The following NHEJ1 variants were observed in gnomAD, a reference collection of about 807,000 sequenced individuals.
NHEJ1 encodes the protein non-homologous end-joining factor 1.
A neutral mutation model predicts 39.4 loss-of-function variants in NHEJ1; 22 were observed. The ratio of observed to expected loss-of-function variants is 0.56; its 90% confidence interval spans 0.40 to 0.80. NHEJ1 has a LOEUF of 0.80. NHEJ1 is among the 30% of genes least tolerant of loss of function. The pLI is 0.00. For missense variants in NHEJ1, 329 were observed against 357.1 expected (o/e 0.92, Z 0.63); for synonymous variants, 154 against 135.6 (o/e 1.14, Z -0.94).
rs58200429 is a variant in NHEJ1 at position 219,071,112 on chromosome 2, C to A, written c.*5269G>T. 0.016 allele frequency among the ~76,000 whole-genome samples: 2,451 copies of A among 152,288 alleles called. 70 individuals are homozygous for A. The highest frequency in any genetic ancestry group is 0.056 in the African/African-American group (2,312 of 41,550). On this transcript the variant is annotated 3_prime_UTR_variant, in exon 8 of 8. Coordinates refer to ENST00000356853, the MANE Select transcript of NHEJ1 (RefSeq NM_024782.3). ...ATGCATGATTCCCAACAGCACTGCT[C>A]TTGATCCCTGAGTGGAGACCCACAC...
rs1949005188 is a variant in NHEJ1, at chr2:219,075,552, GC to G, written c.*828del. ...ACTAGAGTCCAGGAGTTCAAGACCA[GC>G]CTGGGCAACATGGCAAAGCCTTGTC... is the stretch of plus-strand genomic sequence containing the variant. On this transcript the variant is annotated 3_prime_UTR_variant, in exon 8 of 8. Coordinates refer to ENST00000356853, the MANE Select transcript of NHEJ1 (RefSeq NM_024782.3). 1 of 152,164 alleles carries G rather than the reference GC, an allele frequency of 6.6e-6. No homozygotes were observed. The highest frequency in any genetic ancestry group is 2.4e-5 in the African/African-American group (1 of 41,412). 9.4% of individuals were successfully genotyped at this position (152,164 alleles called of 1,614,324 possible).
chr2:219,153,700 G>C lies in NHEJ1; in HGVS notation c.390+3772C>G, dbSNP rs576689779. On this transcript the variant is annotated intron_variant, in intron 3 of 7. Coordinates refer to ENST00000356853, the MANE Select transcript of NHEJ1 (RefSeq NM_024782.3). ...AAAGAAAAAGAAAGAAAAGGGGGGG[G>C]GGGTGGAGAGAGAGAGAGAGAGCAA... Among the ~76,000 whole-genome samples the C allele has an allele frequency of 2.0e-3, 247 of 126,528 alleles. 17 individuals are homozygous for C. The highest frequency in any genetic ancestry group is 3.6e-3 in the Non-Finnish European group (199 of 55,418). 83.0% of individuals were successfully genotyped at this position (126,528 alleles called of 152,430 possible). A position where few individuals can be genotyped will look rare whatever the true frequency, so the allele number is the denominator to read the frequency against.
chr2:219,073,784 C>T lies in NHEJ1; in HGVS notation c.*2597G>A, dbSNP rs76721667. Reference sequence around the variant, plus strand: ...CAGCCCCGGGGAGCGGGCGGGTAGGCGGGGAGGTGGGCCACTGCTTTATTA... The same window carrying T: ...CAGCCCCGGGGAGCGGGCGGGTAGGTGGGGAGGTGGGCCACTGCTTTATTA... On this transcript the variant is annotated 3_prime_UTR_variant, in exon 8 of 8. Transcript: ENST00000356853. 3.3e-3 allele frequency among the ~76,000 whole-genome samples: 510 copies of T among 152,284 alleles called. 3 individuals are homozygous for T. Among genetic ancestry groups the T allele is most frequent in the Admixed American group, 5.6e-3 (86 of 15,300 alleles).
chr2:219,074,946 G>A lies in NHEJ1; in HGVS notation c.*1435C>T, dbSNP rs1948998735. Among the ~76,000 whole-genome samples the A allele has an allele frequency of 6.6e-6, 1 of 152,016 alleles. No individual in the cohort carries two copies. Among genetic ancestry groups the A allele is most frequent in the Non-Finnish European group, 1.5e-5 (1 of 68,012 alleles). On this transcript the variant is annotated 3_prime_UTR_variant, in exon 8 of 8. Transcript: ENST00000356853. Reference sequence around the variant, plus strand: ...TCTGCTAGCAGGAAAAAGCATGAGGGTAAGTCCTGGAGTCCTCAAGAGCTC... The same window carrying A: ...TCTGCTAGCAGGAAAAAGCATGAGGATAAGTCCTGGAGTCCTCAAGAGCTC...
chr2:219,098,018 G>T (rs961594556), intron 5 of NHEJ1, among the ~76,000 whole-genome samples: 1 of 152,182 alleles, frequency 6.6e-6, no homozygotes, highest in Non-Finnish European at 1.5e-5. Flanking sequence ...GAAACCAAAT[G>T]AAAGTATGTC....
rs138331690 is a variant in NHEJ1 at position 219,115,153 on chromosome 2, A to AAAGAAGAAGAAGAAGAAG, written c.588+31509_588+31526dup. On this transcript the variant is annotated intron_variant, in intron 5 of 7. Transcript: ENST00000356853. Reference sequence around the variant, plus strand: ...CCAAAAGAATCCCACCGTATTTTAAAAAGAAGAAGAAGAAGAAGAAGAAGA... The same window carrying AAAGAAGAAGAAGAAGAAG: ...CCAAAAGAATCCCACCGTATTTTAAAAAGAAGAAGAAGAAGAAGAAGAAGAAGAAGAAGAAGAAGAAGA... Among the ~76,000 whole-genome samples the AAAGAAGAAGAAGAAGAAG allele has an allele frequency of 8.8e-5, 13 of 148,360 alleles. No individual in the cohort carries two copies. The South Asian group carries it at 1.5e-3, about 17-fold the overall frequency.
rs114264499 is a variant in NHEJ1, at chr2:219,070,997, C to T, written c.*5384G>A. Among the ~76,000 whole-genome samples the T allele has an allele frequency of 8.5e-3, 1,289 of 152,308 alleles. 26 individuals are homozygous for T. Among genetic ancestry groups the T allele is most frequent in the African/African-American group, 0.029 (1,197 of 41,562 alleles). Reference sequence around the variant, plus strand: ...ACGTGACAGGACGCCCTGAAATCCCCGCTAGGCAACAATGCTAAATGAAAC... The same window carrying T: ...ACGTGACAGGACGCCCTGAAATCCCTGCTAGGCAACAATGCTAAATGAAAC... On this transcript the variant is annotated 3_prime_UTR_variant, in exon 8 of 8. Transcript: ENST00000356853.
chr2:219,073,071 C>T lies in NHEJ1; in HGVS notation c.*3310G>A, dbSNP rs1347188036. On this transcript the variant is annotated 3_prime_UTR_variant, in exon 8 of 8. Coordinates refer to ENST00000356853, the MANE Select transcript of NHEJ1 (RefSeq NM_024782.3). ...GTCCAAATGTACCGCTGGATAAAAACGAGCAGCAGTAGGGCTGAGTATCAA... is the reference window on the plus strand; with the variant it reads ...GTCCAAATGTACCGCTGGATAAAAATGAGCAGCAGTAGGGCTGAGTATCAA... Among the ~76,000 whole-genome samples, 12 of 152,244 alleles carry T rather than the reference C, an allele frequency of 7.9e-5. No individual in the cohort carries two copies. The highest frequency in any genetic ancestry group is 3.4e-3 in the Middle Eastern group (1 of 294).
Position 219,154,118 on chromosome 2 carries a change from A to G in NHEJ1, c.390+3354T>C, listed in dbSNP as rs145298334. ...ATGCTATGTTGCAATTAAAAAACAC[A>G]AAGGCAGGTCCTCTGAATGTGTTGA... is the stretch of plus-strand genomic sequence containing the variant. On this transcript the variant is annotated intron_variant, in intron 3 of 7. Coordinates refer to ENST00000356853, the MANE Select transcript of NHEJ1 (RefSeq NM_024782.3). 3.5e-3 allele frequency among the ~76,000 whole-genome samples: 528 copies of G among 152,330 alleles called. 2 individuals are homozygous for G. Among genetic ancestry groups the G allele is most frequent in the African/African-American group, 0.012 (501 of 41,554 alleles).
At chr2:219,114,934 A>T (rs1440779094) in intron 5 of NHEJ1, among the ~76,000 whole-genome samples, 1 of 152,184 alleles carries the variant, frequency 6.6e-6, no homozygotes, top group Non-Finnish European at 1.5e-5. Flanking sequence ...TATTCAAGCC[A>T]AGGGAAAACG....
At chr2:219,126,637 G>A (rs1949525929) in intron 5 of NHEJ1, among the ~76,000 whole-genome samples, 2 of 152,210 alleles carry the variant, frequency 1.3e-5, no homozygotes, top group Admixed American at 1.3e-4. Context: ...TCATATCCCT[G>A]CCCTTGGGGA....
At chr2:219,089,931 G>A (rs1340199474) in intron 5 of NHEJ1, among the ~76,000 whole-genome samples, 1 of 152,196 alleles carries the variant, frequency 6.6e-6, no homozygotes, top group Non-Finnish European at 1.5e-5. Context: ...ACCAGTGGCT[G>A]AGAGACTGGA....
At chr2:219,080,665 G>C (rs1224335464) in intron 5 of NHEJ1, among the ~76,000 whole-genome samples, 1 of 71,318 alleles carries the variant, frequency 1.4e-5, no homozygotes, top group Non-Finnish European at 2.8e-5. Context: ...ATATATATAA[G>C]CTTTTATATA....
intron 5 of NHEJ1, among the ~76,000 whole-genome samples, chr2:219,080,872 G>A (rs374520039): frequency 3.3e-4 from 50 of 152,138 alleles, no homozygotes; most frequent in Admixed American, 1.3e-4. Context: ...GCATGACCCC[G>A]TTTGGCTGAG....
At position 219,137,570 on chromosome 2, in the gene NHEJ1, C is replaced by CAAAAAAAAAAAAAAAAA. The variant is rs58279021; in HGVS notation, c.588+9093_588+9109dup. Among the ~76,000 whole-genome samples the CAAAAAAAAAAAAAAAAA allele has an allele frequency of 9.5e-4, 33 of 34,714 alleles. 1 individual carries two copies. Among genetic ancestry groups the CAAAAAAAAAAAAAAAAA allele is most frequent in the East Asian group, 1.7e-3 (2 of 1,182 alleles). 22.8% of individuals were successfully genotyped at this position (34,714 alleles called of 152,430 possible). On this transcript the variant is annotated intron_variant, in intron 5 of 7. Transcript: ENST00000356853. ...AATGGAGAAATAAATGTGTTACAGG[C>CAAAAAAAAAAAAAAAAA]AAAAAAAAAAAAAAAAAAAAAACAA...
rs1372945761 is a variant in NHEJ1, at chr2:219,160,814, TC to T, written c.-96del. The T allele has an allele frequency of 2.6e-5, 4 of 152,328 alleles. No homozygotes were observed. The highest frequency in any genetic ancestry group is 7.2e-5 in the African/African-American group (3 of 41,420). The allele number at this position is 152,328 out of a possible 1,614,324, so 9.4% of individuals were successfully genotyped here. A position where few individuals can be genotyped will look rare whatever the true frequency, so the allele number is the denominator to read the frequency against. On this transcript the variant is annotated 5_prime_UTR_variant, in exon 1 of 8. Coordinates refer to ENST00000356853, the MANE Select transcript of NHEJ1 (RefSeq NM_024782.3). ...AAAGGCCTAGAGTAAGAGGCCGCTTTCCCCCCACCGCAAGAGGAGGCAGGGT... is the reference window on the plus strand; with the variant it reads ...AAAGGCCTAGAGTAAGAGGCCGCTTTCCCCCACCGCAAGAGGAGGCAGGGT...
In NHEJ1 at chr2:219,121,893, T is replaced by G. The variant is rs572887163; in HGVS notation, c.588+24787A>C. 2.0e-5 allele frequency among the ~76,000 whole-genome samples: 3 copies of G among 152,172 alleles called. No individual in the cohort carries two copies. In the East Asian group the frequency reaches 5.8e-4, roughly 29 times the overall value. ...GCTCAACTAATGCTAAATACAATAG[T>G]AGGGTGGCTTGGGGTTTTCATGCTA... is the stretch of plus-strand genomic sequence containing the variant. On this transcript the variant is annotated intron_variant, in intron 5 of 7. Coordinates refer to ENST00000356853, the MANE Select transcript of NHEJ1 (RefSeq NM_024782.3).
At chr2:219,120,598 T>C (rs1280888865) in intron 5 of NHEJ1, among the ~76,000 whole-genome samples, 1 of 152,170 alleles carries the variant, frequency 6.6e-6, no homozygotes, top group Non-Finnish European at 1.5e-5. Context: ...TCCTCAGACC[T>C]CAAGATTTAC....
rs1298094899 is a variant in NHEJ1 at position 219,075,107 on chromosome 2, T to C, written c.*1274A>G. On this transcript the variant is annotated 3_prime_UTR_variant, in exon 8 of 8. Transcript: ENST00000356853. ...GAAAATAAATGTTTTCATTAGTGTA[T>C]ATAATAATGCTGTTAAGAACTCAGC... is the stretch of plus-strand genomic sequence containing the variant. 1.3e-5 allele frequency among the ~76,000 whole-genome samples: 2 copies of C among 152,208 alleles called. No individual in the cohort carries two copies. The highest frequency in any genetic ancestry group is 6.5e-5 in the Admixed American group (1 of 15,286).
Sources: allele counts gnomAD v4.1 joint callset (sites outside exome capture counted in the v4.1 genomes callset), GRCh38; gene constraint gnomAD v4.1.1; transcripts MANE v1.5; gene names NCBI Gene and HGNC (gene_info 2026-07-23, HGNC 2026-07-21).